The following ARHGAP32 variants were observed in gnomAD, a reference collection of about 807,000 sequenced individuals.
ARHGAP32 encodes the protein rho GTPase-activating protein 32.
Under a neutral mutation model 186.5 loss-of-function variants are expected in ARHGAP32, and 51 were observed. The observed-to-expected ratio is 0.27, with a 90% confidence interval of 0.22 to 0.35. The LOEUF is 0.35. Ranked by LOEUF, ARHGAP32 falls within the 10% of genes least tolerant of loss-of-function variation. The pLI, the probability that ARHGAP32 is intolerant of heterozygous loss-of-function variation, is 1.00. For missense variants in ARHGAP32, 2,186 were observed against 2,623.5 expected (o/e 0.83, Z 3.64); for synonymous variants, 950 against 964.3 (o/e 0.99, Z 0.27).
chr11:129,046,301 C>T (rs989937536), intron 10 of ARHGAP32, among the ~76,000 whole-genome samples: 1 of 149,836 alleles, frequency 6.7e-6, no homozygotes. Context: ...TTGATTATTA[C>T]CTTTGTTTTT....
chr11:129,250,223 C>T (rs988502376), intron 1 of ARHGAP32, among the ~76,000 whole-genome samples: 1 of 151,902 alleles, frequency 6.6e-6, no homozygotes, highest in Admixed American at 6.6e-5. Context: ...TCAGTGATAC[C>T]CCCCTGAAAA....
chr11:129,139,843 C>T (rs1200610357), intron 2 of ARHGAP32, among the ~76,000 whole-genome samples: 3 of 152,058 alleles, frequency 2.0e-5, no homozygotes, highest in Admixed American at 6.6e-5. Context: ...AATGTTATCA[C>T]GTTAAATATA....
intron 2 of ARHGAP32, among the ~76,000 whole-genome samples, chr11:129,135,626 G>C (rs1942919318): frequency 6.6e-6 from 1 of 152,114 alleles, no homozygotes; most frequent in Admixed American, 6.5e-5. Flanking sequence ...AATTAGCCAG[G>C]CGTGGTGGCA....
chr11:129,111,559 T>C (rs1942216731), intron 5 of ARHGAP32, among the ~76,000 whole-genome samples: 1 of 152,206 alleles, frequency 6.6e-6, no homozygotes, highest in Non-Finnish European at 1.5e-5. Flanking sequence ...TTTTTGTTAC[T>C]AATTCAATCT....
intron 1 of ARHGAP32, among the ~76,000 whole-genome samples, chr11:129,257,642 C>A: frequency 1.4e-5 from 2 of 144,520 alleles, no homozygotes; most frequent in South Asian, 2.2e-4. Flanking sequence ...TTTAAAATTA[C>A]AGAAAACATT....
intron 1 of ARHGAP32, among the ~76,000 whole-genome samples, chr11:129,200,721 A>G (rs1944446748): frequency 6.6e-6 from 1 of 152,206 alleles, no homozygotes; most frequent in Admixed American, 6.5e-5. Flanking sequence ...TAATACCTTT[A>G]TGATGTTAAT....
At chr11:129,063,537 A>G (rs905907798) in intron 9 of ARHGAP32, among the ~76,000 whole-genome samples, 36 of 152,274 alleles carry the variant, frequency 2.4e-4, no homozygotes, top group Non-Finnish European at 4.1e-4. Flanking sequence ...CAGAAGCTCA[A>G]TGAGACAAAG....
At chr11:129,229,392 T>C (rs1944828667) in intron 1 of ARHGAP32, among the ~76,000 whole-genome samples, 1 of 152,130 alleles carries the variant, frequency 6.6e-6, no homozygotes, top group Non-Finnish European at 1.5e-5. Context: ...TAAATAATTT[T>C]CTGGAAGTTA....
At chr11:128,977,736 G>A (rs1027056202) in intron 19 of ARHGAP32, among the ~76,000 whole-genome samples, 4 of 151,864 alleles carry the variant, frequency 2.6e-5, no homozygotes, top group African/African-American at 4.8e-5. Flanking sequence ...GAGTGCAGTG[G>A]CACAACCATA....
rs529021633 is a variant in ARHGAP32, at chr11:129,061,911, T to A, written c.963+369A>T. On this transcript the variant is annotated intron_variant, in intron 10 of 22. Transcript: ENST00000682385. ...TTACATAACAGTTACAATGCCTTTT[T>A]ATAGAGAAATATTAATCAAACTGAC... is the stretch of plus-strand genomic sequence containing the variant. Among the ~76,000 whole-genome samples, 6 of 152,284 alleles carry A rather than the reference T, an allele frequency of 3.9e-5. No individual in the cohort carries two copies. The East Asian group carries it at 1.2e-3, about 29-fold the overall frequency.
At chr11:128,971,220 T>A in intron 22 of ARHGAP32, 61 bp from the exon 23 acceptor site, 1 of 1,428,318 alleles carries the variant, frequency 7.0e-7, no homozygotes, top group Non-Finnish European at 9.5e-7. Flanking sequence ...TCAAGTACTA[T>A]TAAATTTGTA....
chr11:129,233,002 T>C (rs997504533), intron 1 of ARHGAP32, among the ~76,000 whole-genome samples: 2 of 152,224 alleles, frequency 1.3e-5, no homozygotes, highest in Non-Finnish European at 2.9e-5. Context: ...CATATATATT[T>C]GTCAAAACTT....
chr11:129,094,276 C>G (rs1198226279), intron 5 of ARHGAP32, among the ~76,000 whole-genome samples: 1 of 151,924 alleles, frequency 6.6e-6, no homozygotes, highest in Non-Finnish European at 1.5e-5. Flanking sequence ...GGATGGATAC[C>G]CCATTTTCCA....
At chr11:129,227,883 A>G (rs1003463842) in intron 1 of ARHGAP32, among the ~76,000 whole-genome samples, 1 of 152,146 alleles carries the variant, frequency 6.6e-6, no homozygotes, top group African/African-American at 2.4e-5. Flanking sequence ...AATCAACCTG[A>G]CCTAACAGAC....
chr11:129,238,749 T>C (rs1944973858), intron 1 of ARHGAP32, among the ~76,000 whole-genome samples: 1 of 72,424 alleles, frequency 1.4e-5, no homozygotes, highest in African/African-American at 6.0e-5. Flanking sequence ...TCATAGAACT[T>C]ATTTTAAACA....
chr11:129,274,420 C>T (rs1395183900), intron 1 of ARHGAP32, among the ~76,000 whole-genome samples: 2 of 152,154 alleles, frequency 1.3e-5, no homozygotes, highest in East Asian at 3.8e-4. Context: ...CCTTCTGCCT[C>T]CATCTCACTG....
At chr11:129,063,752 G>A in intron 9 of ARHGAP32, 150 bp downstream of exon 9, 2 of 846,996 alleles carry the variant, frequency 2.4e-6, no homozygotes, top group Non-Finnish European at 1.7e-6. Context: ...AACAAAAATA[G>A]AAGATATTAC....
chr11:129,039,298 G>A (rs1445372292), intron 11 of ARHGAP32, among the ~76,000 whole-genome samples: 1 of 152,146 alleles, frequency 6.6e-6, no homozygotes, highest in Non-Finnish European at 1.5e-5. Context: ...AATATTCAGA[G>A]AAGCCAAAAA....
intron 1 of ARHGAP32, among the ~76,000 whole-genome samples, chr11:129,206,204 CCTT>C (rs1481360844): frequency 6.6e-6 from 1 of 152,024 alleles, no homozygotes; most frequent in Non-Finnish European, 1.5e-5. Context: ...CTGCCTTGAA[CCTT>C]CTTTTTAATT....
Sources: allele counts gnomAD v4.1 joint callset (sites outside exome capture counted in the v4.1 genomes callset), GRCh38; gene constraint gnomAD v4.1.1; transcripts MANE v1.5; gene names NCBI Gene and HGNC (gene_info 2026-07-23, HGNC 2026-07-21).